Variants in EFHC1 observed in about 807,000 individuals in gnomAD.
The protein encoded by EFHC1 is EF-hand domain-containing protein 1.
EFHC1 carries 53 observed loss-of-function variants against 69.9 expected under a neutral mutation model. That is an observed-to-expected ratio of 0.76 (90% CI 0.61 to 0.95). The LOEUF (loss-of-function observed/expected upper bound fraction) is 0.95. Ranked by LOEUF, EFHC1 falls within the 40% of genes least tolerant of loss-of-function variation. The pLI, the probability that EFHC1 is intolerant of heterozygous loss-of-function variation, is 0.00. For missense variants in EFHC1, 739 were observed against 798.7 expected (o/e 0.93, Z 0.90); for synonymous variants, 256 against 278.4 (o/e 0.92, Z 0.80).
At chr6:52,483,892 T>C (rs941518913) in intron 9 of EFHC1, 2 of 152,084 alleles carry the variant, frequency 1.3e-5, no homozygotes, top group Non-Finnish European at 2.9e-5. Flanking sequence ...TGGCAGTAGA[T>C]TTAAGAGAGA....
At chr6:52,434,372 C>T (rs542493989) in intron 2 of EFHC1, among the ~76,000 whole-genome samples, 2 of 152,296 alleles carry the variant, frequency 1.3e-5, no homozygotes, top group South Asian at 4.1e-4. Context: ...GCTTCCTCTA[C>T]CCCCGTATTT....
chr6:52,454,081 T>C lies in EFHC1; in HGVS notation c.724-14T>C. 6.2e-7 allele frequency: 1 copy of C among 1,612,650 alleles called. No homozygotes were observed. The highest frequency in any genetic ancestry group is 8.5e-7 in the Non-Finnish European group (1 of 1,179,950). On this transcript the variant is annotated splice_polypyrimidine_tract_variant and intron_variant, in intron 4 of 10. Transcript: ENST00000371068. ...TTTTAGGATTCTTGAGTCACTACTT[T>C]GGATTCTTCAAAGGTCCTTCGATTC... is the stretch of plus-strand genomic sequence containing the variant.
At chr6:52,487,724 A>G (rs1765815741) in intron 9 of EFHC1, 1 of 152,252 alleles carries the variant, frequency 6.6e-6, no homozygotes, top group East Asian at 1.9e-4. Context: ...TAGCCACTCT[A>G]TAAAACACGT....
intron 3 of EFHC1, among the ~76,000 whole-genome samples, chr6:52,443,724 T>A (rs955851467): frequency 6.6e-5 from 10 of 152,260 alleles, no homozygotes; most frequent in African/African-American, 2.4e-4. Context: ...GGTAGCGTGA[T>A]GCCTCCAGCT....
intron 7 of EFHC1, among the ~76,000 whole-genome samples, chr6:52,473,942 A>G (rs1053072357): frequency 3.3e-5 from 5 of 152,242 alleles, no homozygotes; most frequent in African/African-American, 7.2e-5. Context: ...TTCAGAATAT[A>G]TAAAGAACAC....
chr6:52,429,884 G>A (rs533386418), intron 2 of EFHC1: 2 of 152,188 alleles, frequency 1.3e-5, no homozygotes, highest in East Asian at 3.9e-4. Flanking sequence ...TCTTTCAGCA[G>A]TGTTTTGTAG....
At chr6:52,433,832 C>A (rs565007644) in intron 2 of EFHC1, among the ~76,000 whole-genome samples, 1 of 152,058 alleles carries the variant, frequency 6.6e-6, no homozygotes, top group South Asian at 2.1e-4. Flanking sequence ...CTCAGACTCT[C>A]CTTGGGCAGG....
chr6:52,457,386 AAAGAAGAAC>A (rs1195152936), intron 5 of EFHC1, among the ~76,000 whole-genome samples: 5 of 152,194 alleles, frequency 3.3e-5, no homozygotes, highest in Non-Finnish European at 4.4e-5. Context: ...AGCTCACTAG[AAAGAAGAAC>A]AAGAGCAAAA....
chr6:52,495,063 T>G lies in EFHC1; in HGVS notation c.*2722T>G, dbSNP rs751323316. The stretch of plus-strand genomic sequence containing the variant: ...CCACTCTCAGATGGACGGGACCCAG[T>G]CTGTACCTGATCACCCCGGCTCTAA... On this transcript the variant is annotated 3_prime_UTR_variant, in exon 11 of 11. Transcript: ENST00000371068. The G allele has an allele frequency of 6.6e-6, 3 of 454,040 alleles. No homozygotes were observed. The highest frequency in any genetic ancestry group is 1.3e-5 in the Non-Finnish European group (3 of 226,786). The allele number at this position is 454,040 out of a possible 1,614,324, so 28.1% of individuals were successfully genotyped here. A position where few individuals can be genotyped will look rare whatever the true frequency, so the allele number is the denominator to read the frequency against.
chr6:52,438,563 G>A lies in EFHC1; in HGVS notation c.545G>A (p.Arg182His), dbSNP rs3804505. 95,296 of 1,613,812 alleles carry A rather than the reference G, an allele frequency of 0.059. 3,170 individuals are homozygous for A. The highest frequency in any genetic ancestry group is 0.069 in the South Asian group (6,277 of 91,070). ...ATCACAATTTATGGCAAAACTTTCC[G>A]CGTTGTTGACTGTGACCAATTCACA... Reference protein sequence around the residue: ...INITIYGKTFRVVDCDQFTQV... With the variant: ...INITIYGKTFHVVDCDQFTQV... Residue 182 changes from arginine to histidine, a missense_variant, in exon 3 of 11, where the codon CGC becomes CAC. Coordinates refer to ENST00000371068, the MANE Select transcript of EFHC1 (RefSeq NM_018100.4).
At chr6:52,426,329 A>T (rs1764300045) in intron 2 of EFHC1, among the ~76,000 whole-genome samples, 1 of 151,862 alleles carries the variant, frequency 6.6e-6, no homozygotes, top group Non-Finnish European at 1.5e-5. Context: ...GACACTGTTG[A>T]CCCTTCCTCC....
chr6:52,493,137 C>T lies in EFHC1; in HGVS notation c.*796C>T. 1 of 453,772 alleles carries T rather than the reference C, an allele frequency of 2.2e-6. No homozygotes were observed. Among genetic ancestry groups the T allele is most frequent in the Non-Finnish European group, 4.4e-6 (1 of 226,718 alleles). 28.1% of individuals were successfully genotyped at this position (453,772 alleles called of 1,614,324 possible). ...AATTGGAACATCAGCCTTTTCTTGC[C>T]TTCAGACACAAATGGAAACATCAGC... On this transcript the variant is annotated 3_prime_UTR_variant, in exon 11 of 11. Transcript: ENST00000371068.
chr6:52,464,466 G>A (rs1167049092), intron 5 of EFHC1, among the ~76,000 whole-genome samples: 2 of 152,148 alleles, frequency 1.3e-5, no homozygotes, highest in African/African-American at 4.8e-5. Flanking sequence ...ATTTAGCAGT[G>A]TACCTAGTAC....
At chr6:52,468,683 TAGGCCGTCA>T (rs1765367459) in intron 6 of EFHC1, 1 of 153,720 alleles carries the variant, frequency 6.5e-6, no homozygotes, top group African/African-American at 2.4e-5. Context: ...GCTTAGCATG[TAGGCCGTCA>T]GCTCAGGGTT....
intron 7 of EFHC1, among the ~76,000 whole-genome samples, chr6:52,472,253 C>T (rs868293656): frequency 6.6e-6 from 1 of 152,098 alleles, no homozygotes; most frequent in Non-Finnish European, 1.5e-5. Flanking sequence ...AAACAGCTTA[C>T]TTAGTGATGA....
intron 10 of EFHC1, chr6:52,491,097 G>A (rs1185463174): frequency 2.0e-5 from 3 of 152,226 alleles, no homozygotes; most frequent in African/African-American, 7.2e-5. Context: ...TTTAGGGCTA[G>A]TGACTAGGTT....
rs150626275 is a variant in EFHC1 at position 52,436,703 on chromosome 6, G to A, written c.286-1601G>A. Among the ~76,000 whole-genome samples the A allele has an allele frequency of 1.7e-3, 253 of 152,118 alleles. 1 individual carries two copies. The highest frequency in any genetic ancestry group is 5.2e-3 in the African/African-American group (214 of 41,494). On this transcript the variant is annotated intron_variant, in intron 2 of 10. Coordinates refer to ENST00000371068, the MANE Select transcript of EFHC1 (RefSeq NM_018100.4). ...GTCACCCACGCTGGAGTGCAGTGGC[G>A]CTAACTCAGCTCACTGCAGCCTCCA...
intron 1 of EFHC1, chr6:52,420,925 G>A: frequency 2.3e-6 from 2 of 853,898 alleles, no homozygotes; most frequent in Non-Finnish European, 3.0e-6. Context: ...CCGCCACTAT[G>A]CACCTTCAAC....
intron 3 of EFHC1, among the ~76,000 whole-genome samples, chr6:52,451,781 T>C (rs1053539253): frequency 6.6e-6 from 1 of 152,260 alleles, no homozygotes; most frequent in Non-Finnish European, 1.5e-5. Context: ...CTGGTGAAAT[T>C]TGAGCACTTG....
Sources: allele counts gnomAD v4.1 joint callset (sites outside exome capture counted in the v4.1 genomes callset), GRCh38; gene constraint gnomAD v4.1.1; transcripts MANE v1.5; gene names NCBI Gene and HGNC (gene_info 2026-07-23, HGNC 2026-07-21).